Variants in STIM1 observed in about 807,000 individuals in gnomAD.
STIM1 encodes stromal interaction molecule 1.
In STIM1, 25 loss-of-function variants were observed where a neutral mutation model predicts 74.7. That is an observed-to-expected ratio of 0.33 (90% CI 0.24 to 0.47). STIM1 has a LOEUF of 0.47. Among genes scored for constraint, STIM1 ranks in the 20% least tolerant of loss-of-function variants. STIM1 has a pLI of 1.00. For missense variants in STIM1, 728 were observed against 920.8 expected (o/e 0.79, Z 2.71); for synonymous variants, 328 against 348.8 (o/e 0.94, Z 0.66).
intron 1 of STIM1, among the ~76,000 whole-genome samples, chr11:3,953,255 A>G (rs1037540300): frequency 1.3e-5 from 2 of 152,166 alleles, no homozygotes; most frequent in Non-Finnish European, 2.9e-5. Flanking sequence ...AATGAGAAAG[A>G]GGTTTTTGGC....
At chr11:3,872,523 C>CTTTTTTT (rs574634847) in intron 1 of STIM1, among the ~76,000 whole-genome samples, 4 of 129,362 alleles carry the variant, frequency 3.1e-5, no homozygotes, top group Non-Finnish European at 3.3e-5. Flanking sequence ...TTCTTTTTTT[C>CTTTTTTT]TTTTTTTTTT....
At chr11:4,074,452 C>T in intron 6 of STIM1, 50 bp from the exon 7 acceptor site, 1 of 1,606,738 alleles carries the variant, frequency 6.2e-7, no homozygotes, top group Non-Finnish European at 8.5e-7. Flanking sequence ...GGCATGTTGG[C>T]TGGCACCCCC....
intron 1 of STIM1, among the ~76,000 whole-genome samples, chr11:3,916,945 T>C (rs2092652659): frequency 6.6e-6 from 1 of 152,184 alleles, no homozygotes; most frequent in African/African-American, 2.4e-5. Context: ...TTTGGCAATG[T>C]TTTAGTGGCT....
At chr11:4,034,412 G>T (rs1013976474) in intron 3 of STIM1, among the ~76,000 whole-genome samples, 22 of 152,078 alleles carry the variant, frequency 1.4e-4, no homozygotes, top group Admixed American at 3.9e-4. Flanking sequence ...CTGTTTGTTT[G>T]TTAATTTGAT....
At chr11:3,941,673 T>TATATATAGAGAGAGAGAGAGAGAGAGAG (rs141623520) in intron 1 of STIM1, among the ~76,000 whole-genome samples, 7 of 90,734 alleles carry the variant, frequency 7.7e-5, no homozygotes, top group African/African-American at 2.6e-4. Flanking sequence ...TATATATATA[T>TATATATAGAGAGAGAGAGAGAGAGAGAG]AGAGAGAGAG....
intron 1 of STIM1, among the ~76,000 whole-genome samples, chr11:3,896,616 T>C (rs575097654): frequency 8.8e-4 from 134 of 152,366 alleles, no homozygotes; most frequent in African/African-American, 3.1e-3. Flanking sequence ...GATACTGCTA[T>C]GGCAGAGACA....
At chr11:3,964,186 T>G (rs2093317826) in intron 1 of STIM1, among the ~76,000 whole-genome samples, 2 of 152,228 alleles carry the variant, frequency 1.3e-5, no homozygotes, top group South Asian at 4.1e-4. Flanking sequence ...AAGTCCAGGC[T>G]TTTTCACTGT....
At position 3,856,077 on chromosome 11, in the gene STIM1, C is replaced by T. The variant is rs934630143; in HGVS notation, c.-194C>T. ...CCACTGTTGGACCTGAGGAGCCAGCCCTCCTCCCGCACCCAAACTTGGAGC... is the reference window on the plus strand; with the variant it reads ...CCACTGTTGGACCTGAGGAGCCAGCTCTCCTCCCGCACCCAAACTTGGAGC... On this transcript the variant is annotated 5_prime_UTR_variant, in exon 1 of 13. Coordinates refer to ENST00000526596, the MANE Select transcript of STIM1 (RefSeq NM_001382567.1). 3.0e-6 allele frequency: 2 copies of T among 661,760 alleles called. No homozygotes were observed. Among genetic ancestry groups the T allele is most frequent in the Admixed American group, 2.5e-5 (1 of 40,386 alleles). The allele number at this position is 661,760 out of a possible 1,614,324, so 41.0% of individuals were successfully genotyped here.
intron 2 of STIM1, among the ~76,000 whole-genome samples, chr11:4,010,836 A>T (rs2959079): frequency 0.38 from 58,087 of 151,908 alleles, 12,679 homozygotes; most frequent in Non-Finnish European, 0.48. Context: ...TGTCATTTAC[A>T]TTAGGTATTT....
intron 1 of STIM1, among the ~76,000 whole-genome samples, chr11:3,895,825 T>C (rs1056069717): frequency 1.3e-5 from 1 of 75,050 alleles, no homozygotes. Flanking sequence ...TCCTTCTTTC[T>C]TTTCTTTCTT....
At chr11:3,973,065 G>T in intron 2 of STIM1, 1 of 445,382 alleles carries the variant, frequency 2.2e-6, no homozygotes, top group Non-Finnish European at 4.4e-6. Flanking sequence ...TGTAGCCACT[G>T]CCCTGATTTC....
chr11:3,904,583 T>C (rs2092430351), intron 1 of STIM1, among the ~76,000 whole-genome samples: 1 of 152,174 alleles, frequency 6.6e-6, no homozygotes, highest in Non-Finnish European at 1.5e-5. Flanking sequence ...CTTATATGCC[T>C]GTGCTTAGAA....
At chr11:3,880,344 A>T (rs1481471869) in intron 1 of STIM1, among the ~76,000 whole-genome samples, 3 of 152,196 alleles carry the variant, frequency 2.0e-5, no homozygotes, top group African/African-American at 4.8e-5. Flanking sequence ...TCCAAGCATT[A>T]GTGATGACTA....
chr11:3,989,937 C>T (rs563285392), intron 2 of STIM1, among the ~76,000 whole-genome samples: 1 of 152,312 alleles, frequency 6.6e-6, no homozygotes, highest in East Asian at 1.9e-4. Flanking sequence ...CATTTATATA[C>T]AATTCAATGG....
At chr11:4,035,128 C>G (rs1457788841) in intron 3 of STIM1, among the ~76,000 whole-genome samples, 1 of 151,920 alleles carries the variant, frequency 6.6e-6, no homozygotes, top group East Asian at 1.9e-4. Context: ...ATCATTTGCT[C>G]TTTTATTTTT....
chr11:3,978,247 C>G (rs1259255411), intron 2 of STIM1, among the ~76,000 whole-genome samples: 1 of 151,250 alleles, frequency 6.6e-6, no homozygotes, highest in African/African-American at 2.4e-5. Flanking sequence ...CTCCCAGGTT[C>G]AAGCGATTCT....
At chr11:3,899,271 T>A (rs1357129084) in intron 1 of STIM1, among the ~76,000 whole-genome samples, 1 of 152,162 alleles carries the variant, frequency 6.6e-6, no homozygotes, top group African/African-American at 2.4e-5. Flanking sequence ...TTACTCTCTT[T>A]GAAGCAATTG....
intron 2 of STIM1, among the ~76,000 whole-genome samples, chr11:4,018,467 A>C (rs1226107370): frequency 6.8e-6 from 1 of 146,116 alleles, no homozygotes; most frequent in Non-Finnish European, 1.5e-5. Flanking sequence ...TCAAAAAAAA[A>C]AAAAAAAAAA....
At chr11:4,006,749 A>G (rs1424322586) in intron 2 of STIM1, among the ~76,000 whole-genome samples, 1 of 152,092 alleles carries the variant, frequency 6.6e-6, no homozygotes, top group African/African-American at 2.4e-5. Context: ...ATAATGGACT[A>G]ATGTAGGGTT....
Sources: allele counts gnomAD v4.1 joint callset (sites outside exome capture counted in the v4.1 genomes callset), GRCh38; gene constraint gnomAD v4.1.1; transcripts MANE v1.5; gene names NCBI Gene and HGNC (gene_info 2026-07-23, HGNC 2026-07-21).